Variants in SEMA4F observed in about 807,000 individuals in gnomAD.
SEMA4F encodes the protein semaphorin-4F.
SEMA4F carries 51 observed loss-of-function variants against 78.4 expected under a neutral mutation model. The observed-to-expected ratio is 0.65, with a 90% CI of 0.52 to 0.82. The LOEUF (loss-of-function observed/expected upper bound fraction) is 0.82, where lower values mean the gene tolerates loss of function less well. Among genes scored for constraint, SEMA4F ranks in the 40% least tolerant of loss-of-function variants. The pLI is 0.00. For synonymous variants in SEMA4F, 418 were observed against 408.7 expected (o/e 1.02, Z -0.27); for missense variants, 938 against 1,014.4 (o/e 0.92, Z 1.02).
rs1032736732 is a variant in SEMA4F at position 74,682,099 on chromosome 2, A to G, written c.*1890A>G. 1 of 152,368 alleles carries G rather than the reference A, an allele frequency of 6.6e-6. No homozygotes were observed. Among genetic ancestry groups the G allele is most frequent in the South Asian group, 2.1e-4 (1 of 4,828 alleles). 9.4% of individuals were successfully genotyped at this position (152,368 alleles called of 1,614,324 possible). On this transcript the variant is annotated 3_prime_UTR_variant, in exon 14 of 14. Transcript: ENST00000357877. ...AAAAATGGGCTTACTATCCATAACC[A>G]TATAGCTTAACTATATGATAACCAT...
chr2:74,680,044 TC>T lies in SEMA4F; in HGVS notation c.2151del (p.Ser718ProfsTer40). ...GGACCACAAGCTACAGCCAAGACCCTCCCTCCCCCTCTCCTGAAGATGAGCG... is the reference window on the plus strand; with the variant it reads ...GGACCACAAGCTACAGCCAAGACCCTCCTCCCCCTCTCCTGAAGATGAGCG... ...SGTTSYSQDP[P>X]SPSPEDERLP... is the part of the protein sequence containing the mutation. On this transcript the variant is annotated frameshift_variant, in exon 14 of 14. Transcript: ENST00000357877. LOFTEE classifies it high-confidence loss of function. 4 of 1,614,024 alleles carry T rather than the reference TC, an allele frequency of 2.5e-6. No individual in the cohort carries two copies. The highest frequency in any genetic ancestry group is 2.5e-6 in the Non-Finnish European group (3 of 1,179,910).
At chr2:74,673,872 T>C in intron 7 of SEMA4F, 44 bp downstream of exon 7, 2 of 1,586,464 alleles carry the variant, frequency 1.3e-6, no homozygotes, top group Non-Finnish European at 1.7e-6. Context: ...TCCTGCTCTG[T>C]CTGTCCCCCG....
Position 74,682,560 on chromosome 2 carries a change from A to T in SEMA4F, c.*2351A>T, listed in dbSNP as rs1379972855. 2 of 152,230 alleles carry T rather than the reference A, an allele frequency of 1.3e-5. No homozygotes were observed. Among genetic ancestry groups the T allele is most frequent in the Non-Finnish European group, 2.9e-5 (2 of 68,108 alleles). 9.4% of individuals were successfully genotyped at this position (152,230 alleles called of 1,614,324 possible). ...CTGGTTTCTAGGTTTTAGGAGGCAGATCTATGATTTTTGTAATCCTCAGAC... is the reference window on the plus strand; with the variant it reads ...CTGGTTTCTAGGTTTTAGGAGGCAGTTCTATGATTTTTGTAATCCTCAGAC... On this transcript the variant is annotated 3_prime_UTR_variant, in exon 14 of 14. Coordinates refer to ENST00000357877, the MANE Select transcript of SEMA4F (RefSeq NM_004263.5).
At chr2:74,657,420 G>A in intron 2 of SEMA4F, 145 bp from the exon 3 acceptor site, 1 of 636,330 alleles carries the variant, frequency 1.6e-6, no homozygotes, top group East Asian at 2.7e-5. Flanking sequence ...AATGGGTGGG[G>A]ACCTCCATTT....
intron 3 of SEMA4F, 40 bp from the exon 4 acceptor site, chr2:74,657,813 C>G (rs1310501027): frequency 6.3e-7 from 1 of 1,580,176 alleles, no homozygotes; most frequent in East Asian, 2.2e-5. Context: ...TTCCTCGTAC[C>G]TGCTGCTTCT....
intron 5 of SEMA4F, among the ~76,000 whole-genome samples, chr2:74,672,680 T>C (rs3025991): frequency 0.37 from 55,987 of 151,944 alleles, 17,176 homozygotes; most frequent in East Asian, 0.82. Flanking sequence ...CCCTTCCTTC[T>C]CAGAGTGTCT....
the SEMA4F span, among the ~76,000 whole-genome samples, chr2:74,703,294 A>G: frequency 6.6e-6 from 1 of 152,232 alleles, no homozygotes; most frequent in Non-Finnish European, 1.5e-5. Flanking sequence ...GGTTAAGGAA[A>G]TAAGACAGGA....
At chr2:74,671,632 A>T (rs1169947472) in intron 5 of SEMA4F, among the ~76,000 whole-genome samples, 1 of 152,192 alleles carries the variant, frequency 6.6e-6, no homozygotes, top group African/African-American at 2.4e-5. Flanking sequence ...GATGACTCCC[A>T]AGTTGCTGAC....
At chr2:74,671,835 C>A (rs1171825178) in intron 5 of SEMA4F, among the ~76,000 whole-genome samples, 1 of 152,192 alleles carries the variant, frequency 6.6e-6, no homozygotes, top group African/African-American at 2.4e-5. Context: ...GTCTTAGAAG[C>A]TAGAAACCTT....
intron 5 of SEMA4F, among the ~76,000 whole-genome samples, chr2:74,670,251 A>G (rs363635): frequency 6.6e-6 from 1 of 152,154 alleles, no homozygotes; most frequent in African/African-American, 2.4e-5. Context: ...TCCTATGCTC[A>G]ATATTGTAAT....
At chr2:74,708,264 T>C in the SEMA4F span, among the ~76,000 whole-genome samples, 1 of 152,118 alleles carries the variant, frequency 6.6e-6, no homozygotes, top group Non-Finnish European at 1.5e-5. Context: ...ACATTTACAA[T>C]GTCTAGTATC....
At chr2:74,668,040 T>G (rs2104961900) in intron 5 of SEMA4F, among the ~76,000 whole-genome samples, 1 of 152,308 alleles carries the variant, frequency 6.6e-6, no homozygotes, top group Non-Finnish European at 1.5e-5. Flanking sequence ...CCCCCAAACC[T>G]GCTTCTCTGT....
intron 10 of SEMA4F, 58 bp downstream of exon 10, chr2:74,675,442 G>A: frequency 6.3e-7 from 1 of 1,594,122 alleles, no homozygotes; most frequent in Non-Finnish European, 8.6e-7. Context: ...TCGTCACAGA[G>A]AGGGTACTGT....
intron 5 of SEMA4F, among the ~76,000 whole-genome samples, chr2:74,663,714 C>A (rs1280837635): frequency 6.6e-6 from 1 of 152,194 alleles, no homozygotes; most frequent in Non-Finnish European, 1.5e-5. Flanking sequence ...TCACTCATTA[C>A]TGCCAGGACA....
Position 74,658,122 on chromosome 2 carries a change from G to A in SEMA4F, c.456+171G>A, listed in dbSNP as rs944301698. The stretch of plus-strand genomic sequence containing the variant: ...GGTGTAGGGGCTGTCCTCATGGGAT[G>A]AGGGTATGTGTAAGCCACTGAGGGA... On this transcript the variant is annotated intron_variant, in intron 4 of 13. Transcript: ENST00000357877. This position sits in a 1 kb window ranked among gnomAD's most constrained non-coding sequence, Gnocchi z 4.3. Among the ~76,000 whole-genome samples the A allele has an allele frequency of 6.6e-6, 1 of 152,178 alleles. No individual in the cohort carries two copies. Among genetic ancestry groups the A allele is most frequent in the African/African-American group, 2.4e-5 (1 of 41,432 alleles).
intron 8 of SEMA4F, 26 bp downstream of exon 8, chr2:74,674,702 G>T: frequency 6.2e-7 from 1 of 1,609,938 alleles, no homozygotes; most frequent in East Asian, 2.2e-5. Flanking sequence ...GTGGAGGAGA[G>T]TTACAGGGTG....
At chr2:74,677,853 T>A (rs946646280) in intron 12 of SEMA4F, among the ~76,000 whole-genome samples, 27 of 152,206 alleles carry the variant, frequency 1.8e-4, no homozygotes, top group African/African-American at 6.5e-4. Context: ...CAGAGTGAAA[T>A]GTTTAAAATG....
intron 2 of SEMA4F, among the ~76,000 whole-genome samples, chr2:74,656,914 G>A (rs1684178593): frequency 6.6e-6 from 1 of 152,010 alleles, no homozygotes; most frequent in African/African-American, 2.4e-5. Flanking sequence ...ATGATGATGG[G>A]GAGGAGACCA....
the SEMA4F span, among the ~76,000 whole-genome samples, chr2:74,695,897 GT>G: frequency 1.3e-5 from 2 of 152,112 alleles, no homozygotes; most frequent in African/African-American, 4.8e-5. Context: ...ACAACACAGG[GT>G]GCGATCCAGG....
Sources: gnomAD v4.1 joint callset for allele counts (sites outside exome capture counted in the v4.1 genomes callset) on GRCh38, gnomAD v4.1.1 for gene constraint, Gnocchi (gnomAD v3.1) non-coding constraint, MANE v1.5 for transcripts, NCBI Gene and HGNC (gene_info 2026-07-23, HGNC 2026-07-21) for gene names.